The following SDK1 variants were observed in gnomAD, a reference collection of about 807,000 sequenced individuals.
SDK1 encodes the protein sidekick cell adhesion molecule 1.
Under a neutral mutation model 245.5 loss-of-function variants are expected in SDK1, and 157 were observed. The observed-to-expected ratio is 0.64, with a 90% CI of 0.56 to 0.73. SDK1 has a LOEUF of 0.73. Among genes scored for constraint, SDK1 ranks in the 30% least tolerant of loss-of-function variants. SDK1 has a pLI of 0.00. For missense variants in SDK1, 3,583 were observed against 3,002.3 expected (o/e 1.19, Z -4.52); for synonymous variants, 1,647 against 1,278.5 (o/e 1.29, Z -6.15).
At chr7:4,172,785 C>T (rs929944751) in intron 32 of SDK1, among the ~76,000 whole-genome samples, 1 of 152,132 alleles carries the variant, frequency 6.6e-6, no homozygotes, top group African/African-American at 2.4e-5. Flanking sequence ...GCGTTTTTCA[C>T]TTATGGACGC....
chr7:3,500,851 C>G (rs1225534421), intron 1 of SDK1, among the ~76,000 whole-genome samples: 1 of 151,222 alleles, frequency 6.6e-6, no homozygotes, highest in Non-Finnish European at 1.5e-5. Flanking sequence ...ATTTTACTTT[C>G]TGGGAGATTT....
chr7:3,982,517 G>A (rs1400025382), intron 13 of SDK1, among the ~76,000 whole-genome samples: 1 of 152,168 alleles, frequency 6.6e-6, no homozygotes, highest in African/African-American at 2.4e-5. Context: ...AAAACCTTCT[G>A]GAAAGGATTC....
intron 1 of SDK1, among the ~76,000 whole-genome samples, chr7:3,342,634 C>T (rs1780379086): frequency 6.6e-6 from 1 of 151,874 alleles, no homozygotes; most frequent in African/African-American, 2.4e-5. Flanking sequence ...CAGAACTAAG[C>T]AATAAGTTCT....
intron 5 of SDK1, among the ~76,000 whole-genome samples, chr7:3,851,371 AATAAT>A (rs528053195): frequency 2.4e-4 from 36 of 152,328 alleles, no homozygotes; most frequent in South Asian, 6.2e-4. Context: ...TTTTTATGTT[AATAAT>A]ATAAGTATTT....
intron 19 of SDK1, 77 bp downstream of exon 19, chr7:4,051,907 A>G: frequency 7.2e-7 from 1 of 1,391,832 alleles, no homozygotes; most frequent in Non-Finnish European, 9.8e-7. Flanking sequence ...AGAATCAGGC[A>G]AGGGCAGAGG....
chr7:3,651,348 CTT>C lies in SDK1; in HGVS notation c.713+9244_713+9245del, dbSNP rs370834998. Among the ~76,000 whole-genome samples the C allele has an allele frequency of 3.6e-3, 544 of 152,088 alleles. 1 individual carries two copies. The highest frequency in any genetic ancestry group is 0.012 in the African/African-American group (515 of 41,472). ...TAATGGCTAATGATGTTGAACATCT[CTT>C]AATGTGCTGATTTTAAAAAGAATGA... On this transcript the variant is annotated intron_variant, in intron 4 of 44. Transcript: ENST00000404826.
At chr7:3,614,521 G>T (rs944735289) in intron 1 of SDK1, among the ~76,000 whole-genome samples, 1 of 152,174 alleles carries the variant, frequency 6.6e-6, no homozygotes, top group African/African-American at 2.4e-5. Context: ...ATTTCAGGAT[G>T]TTCTCTTTCC....
At chr7:4,217,872 A>G (rs909907252) in intron 38 of SDK1, among the ~76,000 whole-genome samples, 3 of 152,132 alleles carry the variant, frequency 2.0e-5, no homozygotes, top group African/African-American at 7.2e-5. Flanking sequence ...AGAATTTACA[A>G]AATCTGTACC....
intron 35 of SDK1, among the ~76,000 whole-genome samples, chr7:4,187,407 G>A (rs1782958073): frequency 6.6e-6 from 1 of 152,198 alleles, no homozygotes; most frequent in Non-Finnish European, 1.5e-5. Context: ...AGAACTTCTG[G>A]TCCAATGACA....
rs1362252893 is a variant in SDK1, at chr7:4,129,910, C to A, written c.3942C>A (p.Ile1314=). The A allele has an allele frequency of 6.2e-7, 1 of 1,613,594 alleles. No homozygotes were observed. Among genetic ancestry groups the A allele is most frequent in the Non-Finnish European group, 8.5e-7 (1 of 1,179,872 alleles). Residue 1314 remains isoleucine (I), a splice_region_variant and synonymous_variant, in exon 27 of 45, where the codon ATC becomes ATA. Transcript: ENST00000404826. ...CTCGTGCTGTGTCGATACCACAGAT[C>A]CTGTTCCGGGCCAAAGACCTGGATC... ...DQNGLILGYK[I]LFRAKDLDPE...
At chr7:4,016,378 G>C (rs562078229) in intron 16 of SDK1, among the ~76,000 whole-genome samples, 2 of 152,352 alleles carry the variant, frequency 1.3e-5, no homozygotes, top group Admixed American at 6.5e-5. Context: ...GCTGATCCAG[G>C]AAAGCTCAAT....
In SDK1 at chr7:4,268,507, GGGACCCAGATGGCCACACAC is replaced by G. The variant is rs1377169519; in HGVS notation, c.*3127_*3146del. On this transcript the variant is annotated 3_prime_UTR_variant, in exon 45 of 45. Transcript: ENST00000404826. Reference sequence around the variant, plus strand: ...AAAAAACGAGGGGCCCCAGGGAGAGGGGACCCAGATGGCCACACACGGAACGCGCCTCCACAGCCCCGGGA... The same window carrying G: ...AAAAAACGAGGGGCCCCAGGGAGAGGGGAACGCGCCTCCACAGCCCCGGGA... 7 of 1,196,764 alleles carry G rather than the reference GGGACCCAGATGGCCACACAC, an allele frequency of 5.8e-6. No homozygotes were observed. The Admixed American group carries it at 9.9e-5, about 17-fold the overall frequency. 74.1% of individuals were successfully genotyped at this position (1,196,764 alleles called of 1,614,324 possible).
chr7:4,262,132 G>A (rs985139148), intron 44 of SDK1, among the ~76,000 whole-genome samples: 3 of 136,908 alleles, frequency 2.2e-5, no homozygotes, highest in Non-Finnish European at 4.6e-5. Flanking sequence ...CCTTGAACCC[G>A]GGTTCAAGGG....
intron 4 of SDK1, among the ~76,000 whole-genome samples, chr7:3,785,200 T>C (rs1583411248): frequency 1.3e-5 from 2 of 151,072 alleles, no homozygotes; most frequent in South Asian, 4.2e-4. Context: ...GGCTGGAGGG[T>C]GGGGGGAATA....
At chr7:3,804,846 G>A (rs186868463) in intron 4 of SDK1, among the ~76,000 whole-genome samples, 38 of 152,234 alleles carry the variant, frequency 2.5e-4, no homozygotes, top group East Asian at 1.2e-3. Context: ...TGGCTTTCAC[G>A]TGTTCATTGC....
chr7:3,790,609 A>G (rs1029752059), intron 4 of SDK1, among the ~76,000 whole-genome samples: 1 of 152,178 alleles, frequency 6.6e-6, no homozygotes, highest in Admixed American at 6.5e-5. Context: ...GGAGTTCGAG[A>G]TAACCCTGAC....
intron 19 of SDK1, among the ~76,000 whole-genome samples, chr7:4,059,612 C>T (rs1455574268): frequency 2.0e-5 from 3 of 152,166 alleles, no homozygotes; most frequent in African/African-American, 7.2e-5. Flanking sequence ...ATTTACAGAA[C>T]ATTTCATCTA....
chr7:3,984,100 T>A (rs1229742445), intron 13 of SDK1, among the ~76,000 whole-genome samples: 1 of 152,232 alleles, frequency 6.6e-6, no homozygotes, highest in Non-Finnish European at 1.5e-5. Context: ...GTGTGCCTGC[T>A]TCGGGTAGAT....
intron 2 of SDK1, among the ~76,000 whole-genome samples, chr7:3,638,618 A>G (rs1285961633): frequency 1.7e-5 from 2 of 119,256 alleles, no homozygotes; most frequent in Non-Finnish European, 3.3e-5. Flanking sequence ...GAAACATCAC[A>G]CACCGGGGCC....
Sources: gnomAD v4.1 joint callset for allele counts (sites outside exome capture counted in the v4.1 genomes callset) on GRCh38, gnomAD v4.1.1 for gene constraint, MANE v1.5 for transcripts, NCBI Gene and HGNC (gene_info 2026-07-23, HGNC 2026-07-21) for gene names.